The following ZBTB16 variants were observed in gnomAD, a reference collection of about 807,000 sequenced individuals.
ZBTB16 encodes zinc finger and BTB domain-containing protein 16.
In ZBTB16, 8 loss-of-function variants were observed where a neutral mutation model predicts 56.8. That is an observed-to-expected ratio of 0.14 (90% CI 0.08 to 0.25). The LOEUF (loss-of-function observed/expected upper bound fraction) is 0.25, where lower values mean the gene tolerates loss of function less well. Ranked by LOEUF, ZBTB16 falls within the 10% of genes least tolerant of loss-of-function variation. The probability of loss-of-function intolerance (pLI) is 1.00; values close to 1 mark genes in which losing one functional copy is unlikely to be tolerated. For synonymous variants in ZBTB16, 363 were observed against 368.5 expected, an observed-to-expected ratio of 0.98 and a Z score of 0.17; for missense variants, 625 against 903.0, an observed-to-expected ratio of 0.69 and a Z score of 3.95.
Position 114,256,022 on chromosome 11 carries a change from G to GGT in ZBTB16, c.*5467_*5468insGT, listed in dbSNP as rs375975960. Among the ~76,000 whole-genome samples the GGT allele has an allele frequency of 1.4e-5, 2 of 143,082 alleles. No homozygotes were observed. The highest frequency in any genetic ancestry group is 2.6e-5 in the African/African-American group (1 of 38,558). 93.9% of individuals were successfully genotyped at this position (143,082 alleles called of 152,430 possible). On this transcript the variant is annotated 3_prime_UTR_variant, in exon 7 of 7. Coordinates refer to ENST00000335953, the MANE Select transcript of ZBTB16 (RefSeq NM_006006.6). ...TTATTGAAGTACTTGGTTTTGTTTT[G>GGT]TTTTTTTTTTTTGTTTTTTTTGCCT...
At chr11:114,159,125 G>A (rs1312839832) in intron 3 of ZBTB16, among the ~76,000 whole-genome samples, 1 of 152,206 alleles carries the variant, frequency 6.6e-6, no homozygotes, top group Non-Finnish European at 1.5e-5. Flanking sequence ...ATGTCAGGTG[G>A]GCCCGGTGTC....
At chr11:114,149,052 T>C (rs1207893931) in intron 2 of ZBTB16, among the ~76,000 whole-genome samples, 1 of 152,196 alleles carries the variant, frequency 6.6e-6, no homozygotes, top group Admixed American at 6.5e-5. Flanking sequence ...AGGATGAATC[T>C]GGTATGGACC....
At chr11:114,242,090 G>A (rs1944718141) in intron 4 of ZBTB16, 77 bp from the exon 5 acceptor site, 3 of 1,582,838 alleles carry the variant, frequency 1.9e-6, no homozygotes, top group Non-Finnish European at 2.6e-6. Context: ...CCCGACACTG[G>A]CTCTCACTCC....
chr11:114,107,328 A>T (rs902262579), intron 2 of ZBTB16, among the ~76,000 whole-genome samples: 5 of 152,172 alleles, frequency 3.3e-5, no homozygotes, highest in African/African-American at 1.2e-4. Context: ...AGACCTTGTA[A>T]TGTGCATTAT....
chr11:114,144,963 T>C (rs1327786784), intron 2 of ZBTB16, among the ~76,000 whole-genome samples: 1 of 152,210 alleles, frequency 6.6e-6, no homozygotes, highest in African/African-American at 2.4e-5. Context: ...CTGTCTGGTG[T>C]TTTTCTTTCC....
intron 4 of ZBTB16, among the ~76,000 whole-genome samples, chr11:114,234,308 C>T (rs1565700791): frequency 6.6e-6 from 1 of 152,220 alleles, no homozygotes; most frequent in Non-Finnish European, 1.5e-5. Flanking sequence ...AACGCCTCAG[C>T]AGTGGGTGAC....
At chr11:114,079,640 T>A (rs1458198306) in intron 2 of ZBTB16, among the ~76,000 whole-genome samples, 1 of 152,198 alleles carries the variant, frequency 6.6e-6, no homozygotes, top group Non-Finnish European at 1.5e-5. Context: ...GGAGGGTAGA[T>A]GTGACTATTG....
At chr11:114,135,536 A>G (rs966121104) in intron 2 of ZBTB16, among the ~76,000 whole-genome samples, 2 of 152,118 alleles carry the variant, frequency 1.3e-5, no homozygotes, top group Non-Finnish European at 2.9e-5. Flanking sequence ...GGAGTGAGCC[A>G]TGGGCCCAGG....
chr11:114,108,366 C>T (rs1250275974), intron 2 of ZBTB16, among the ~76,000 whole-genome samples: 1 of 152,184 alleles, frequency 6.6e-6, no homozygotes, highest in East Asian at 1.9e-4. Context: ...CTAAAAGGCT[C>T]AGTGCGAATC....
At chr11:114,211,189 T>G (rs1943992321) in intron 4 of ZBTB16, among the ~76,000 whole-genome samples, 1 of 152,222 alleles carries the variant, frequency 6.6e-6, no homozygotes, top group Admixed American at 6.5e-5. Flanking sequence ...CCCAGAGTGC[T>G]GGGATTACAG....
At chr11:114,070,495 T>G (rs561699359) in intron 2 of ZBTB16, among the ~76,000 whole-genome samples, 4 of 152,308 alleles carry the variant, frequency 2.6e-5, no homozygotes, top group African/African-American at 9.6e-5. Flanking sequence ...TATCATTCTC[T>G]ATTGACAAAT....
intron 2 of ZBTB16, among the ~76,000 whole-genome samples, chr11:114,113,374 A>G (rs1056427923): frequency 6.6e-6 from 1 of 152,218 alleles, no homozygotes; most frequent in African/African-American, 2.4e-5. Context: ...TTTGGCATAA[A>G]TTAGGTTGAG....
At chr11:114,162,184 G>A (rs2134978050) in intron 3 of ZBTB16, among the ~76,000 whole-genome samples, 1 of 152,386 alleles carries the variant, frequency 6.6e-6, no homozygotes, top group Admixed American at 6.5e-5. Context: ...GAAAAGGGCT[G>A]GAGGAGTCCT....
intron 4 of ZBTB16, among the ~76,000 whole-genome samples, chr11:114,232,813 C>T (rs1944468229): frequency 6.6e-6 from 1 of 152,224 alleles, no homozygotes; most frequent in Non-Finnish European, 1.5e-5. Context: ...TTCTGCCTCC[C>T]ACCCCCATGT....
At position 114,255,163 on chromosome 11, in the gene ZBTB16, G is replaced by T. The variant is rs1944979468; in HGVS notation, c.*4608G>T. Among the ~76,000 whole-genome samples, 1 of 152,096 alleles carries T rather than the reference G, an allele frequency of 6.6e-6. No homozygotes were observed. The highest frequency in any genetic ancestry group is 1.5e-5 in the Non-Finnish European group (1 of 68,028). On this transcript the variant is annotated 3_prime_UTR_variant, in exon 7 of 7. Coordinates refer to ENST00000335953, the MANE Select transcript of ZBTB16 (RefSeq NM_006006.6). ...CACTGAGGGCCCTGCTGCCCTGCTG[G>T]ACCAAGCAAAACTAAGCCTTTTGGT...
In ZBTB16 at chr11:114,143,861, G is replaced by A. The variant is rs534338746; in HGVS notation, c.1269-12476G>A. On this transcript the variant is annotated intron_variant, in intron 2 of 6. Transcript: ENST00000335953. The surrounding 1 kb of genome is among the most constrained non-coding windows in gnomAD (Gnocchi z 6.4). The stretch of plus-strand genomic sequence containing the variant: ...ATGTTGTTGGGTATTGTGTTGCACC[G>A]TGAGACTGAAAGTGTGGATGTTTCC... 9.7e-4 allele frequency among the ~76,000 whole-genome samples: 148 copies of A among 152,218 alleles called. No individual in the cohort carries two copies. Among genetic ancestry groups the A allele is most frequent in the African/African-American group, 3.2e-3 (133 of 41,534 alleles).
intron 4 of ZBTB16, among the ~76,000 whole-genome samples, chr11:114,220,740 A>G (rs1354597000): frequency 1.3e-5 from 2 of 152,314 alleles, no homozygotes; most frequent in Middle Eastern, 3.4e-3. Flanking sequence ...TAAGTAGTAT[A>G]TAAGTAAATG....
At chr11:114,232,050 G>C (rs1239814258) in intron 4 of ZBTB16, among the ~76,000 whole-genome samples, 1 of 152,102 alleles carries the variant, frequency 6.6e-6, no homozygotes, top group Non-Finnish European at 1.5e-5. Context: ...AGCCACGTGA[G>C]GGCAAGAGGA....
chr11:114,225,921 T>C (rs187500094), intron 4 of ZBTB16, among the ~76,000 whole-genome samples: 193 of 152,316 alleles, frequency 1.3e-3, no homozygotes, highest in African/African-American at 4.5e-3. Context: ...TGGTGGGTAC[T>C]ATAACTCTAA....
Sources: gnomAD v4.1 joint callset for allele counts (sites outside exome capture counted in the v4.1 genomes callset) on GRCh38, gnomAD v4.1.1 for gene constraint, Gnocchi (gnomAD v3.1) non-coding constraint, MANE v1.5 for transcripts, NCBI Gene and HGNC (gene_info 2026-07-23, HGNC 2026-07-21) for gene names.